The following SPATA16 variants were observed in gnomAD, a reference collection of about 807,000 sequenced individuals.
SPATA16 encodes the protein spermatogenesis-associated protein 16.
In SPATA16, 36 loss-of-function variants were observed where a neutral mutation model predicts 63.3. That is an observed-to-expected ratio of 0.57 (90% confidence interval 0.44 to 0.75). The LOEUF (loss-of-function observed/expected upper bound fraction) is 0.75, where lower values mean the gene tolerates loss of function less well. Ranked by LOEUF, SPATA16 falls within the 30% of genes least tolerant of loss-of-function variation. The pLI is 0.00. For missense variants in SPATA16, 646 were observed against 679.3 expected, an observed-to-expected ratio of 0.95 and a Z score of 0.54; for synonymous variants, 203 against 216.7, an observed-to-expected ratio of 0.94 and a Z score of 0.56.
At chr3:172,902,919 A>T (rs1443389068) in intron 10 of SPATA16, among the ~76,000 whole-genome samples, 3 of 152,216 alleles carry the variant, frequency 2.0e-5, no homozygotes, top group Admixed American at 6.5e-5. Flanking sequence ...TTAGAGCTGC[A>T]TGTAAAGGCA....
chr3:172,957,619 A>C (rs1733632311), intron 5 of SPATA16, among the ~76,000 whole-genome samples: 1 of 152,194 alleles, frequency 6.6e-6, no homozygotes, highest in Non-Finnish European at 1.5e-5. Flanking sequence ...TGGTTACCTC[A>C]GTTTTTTAAT....
chr3:172,942,559 A>G (rs998738763), intron 6 of SPATA16, among the ~76,000 whole-genome samples: 2 of 152,296 alleles, frequency 1.3e-5, no homozygotes, highest in African/African-American at 4.8e-5. Context: ...CTGACAAATT[A>G]TAAGAATAAT....
chr3:172,895,187 A>G (rs548114694), intron 10 of SPATA16, among the ~76,000 whole-genome samples: 1 of 152,326 alleles, frequency 6.6e-6, no homozygotes, highest in South Asian at 2.1e-4. Context: ...TACAGCCAGG[A>G]TACTGACATT....
chr3:172,889,492 G>A lies in SPATA16; in HGVS notation c.*78C>T. ...CAAGCTTTTGTTATCCAGCTTCACA[G>A]TACTAGGTGGGCATTGGAGTGGATG... On this transcript the variant is annotated 3_prime_UTR_variant, in exon 11 of 11. Coordinates refer to ENST00000351008, the MANE Select transcript of SPATA16 (RefSeq NM_031955.6). 1 of 1,598,718 alleles carries A rather than the reference G, an allele frequency of 6.3e-7. No individual in the cohort carries two copies. The highest frequency in any genetic ancestry group is 1.7e-5 in the Admixed American group (1 of 59,988).
chr3:173,012,235 G>A (rs1325175859), intron 4 of SPATA16, among the ~76,000 whole-genome samples: 1 of 152,120 alleles, frequency 6.6e-6, no homozygotes, highest in Non-Finnish European at 1.5e-5. Flanking sequence ...TAACTAAGGA[G>A]ATGAAAGGAG....
chr3:173,112,710 C>T (rs562048036), intron 2 of SPATA16, among the ~76,000 whole-genome samples: 1 of 152,344 alleles, frequency 6.6e-6, no homozygotes, highest in South Asian at 2.1e-4. Flanking sequence ...ACACCAGCGA[C>T]TGGAGCGCCA....
intron 8 of SPATA16, among the ~76,000 whole-genome samples, chr3:172,921,857 T>TAAGTAA (rs1732621925): frequency 6.6e-6 from 1 of 152,224 alleles, no homozygotes; most frequent in Non-Finnish European, 1.5e-5. Context: ...TTAAGTGACT[T>TAAGTAA]GCCCTAGGGT....
intron 5 of SPATA16, among the ~76,000 whole-genome samples, chr3:172,976,252 G>A (rs1450239059): frequency 6.6e-6 from 1 of 152,088 alleles, no homozygotes; most frequent in Non-Finnish European, 1.5e-5. Context: ...GAGGAAAACA[G>A]TTTAATAGTT....
chr3:173,093,284 T>G (rs148667572), intron 2 of SPATA16, among the ~76,000 whole-genome samples: 93 of 152,284 alleles, frequency 6.1e-4, no homozygotes, highest in African/African-American at 2.0e-3. Context: ...TGTTGACTCT[T>G]ATTTTAAAAA....
In SPATA16 at chr3:173,028,066, CCTTCCTTCCTTT is replaced by C. The variant is rs1192878690; in HGVS notation, c.759-8503_759-8492del. 3.4e-3 allele frequency among the ~76,000 whole-genome samples: 334 copies of C among 99,120 alleles called. 14 individuals carry two copies. Among genetic ancestry groups the C allele is most frequent in the East Asian group, 0.01 (33 of 3,282 alleles). The allele number at this position is 99,120 out of a possible 152,430, so 65.0% of individuals were successfully genotyped here. A position where few individuals can be genotyped will look rare whatever the true frequency, so the allele number is the denominator to read the frequency against. On this transcript the variant is annotated intron_variant, in intron 3 of 10. Transcript: ENST00000351008. ...TCCTTCCTTCCTTCCTTCCTTCCTT[CCTTCCTTCCTTT>C]CTCTCTCTCTCTTTCTTTCTTTCAA...
At chr3:173,001,788 A>T (rs1734834834) in intron 4 of SPATA16, among the ~76,000 whole-genome samples, 1 of 152,142 alleles carries the variant, frequency 6.6e-6, no homozygotes, top group African/African-American at 2.4e-5. Flanking sequence ...TAATCTAAAA[A>T]AATTAGGTTA....
chr3:173,074,069 A>G (rs1432178951), intron 2 of SPATA16, among the ~76,000 whole-genome samples: 1 of 152,172 alleles, frequency 6.6e-6, no homozygotes. Flanking sequence ...TGTTTTGGCC[A>G]ATTTCTTCCA....
rs745984261 is a variant in SPATA16, at chr3:172,889,620, G to A, written c.1660C>T (p.Arg554Ter). ...FLKTKKLRTA[R>*]RQKTKMKRLQ... ...CGCTTCATTTTTGTTTTTTGCCTTC[G>A]AGCAGTTCTCAGTTTTTTAGTTTTT... is the stretch of plus-strand genomic sequence containing the variant. Residue 554 changes from arginine (R) to a stop codon, truncating the protein, a stop_gained, in exon 11 of 11, where the codon CGA becomes TGA. Coordinates refer to ENST00000351008, the MANE Select transcript of SPATA16 (RefSeq NM_031955.6). LOFTEE classifies it high-confidence loss of function. The A allele has an allele frequency of 1.9e-6, 3 of 1,613,706 alleles. No homozygotes were observed. The highest frequency in any genetic ancestry group is 2.5e-6 in the Non-Finnish European group (3 of 1,179,844).
At chr3:173,056,704 T>TTAAAAAA (rs1736234311) in intron 2 of SPATA16, among the ~76,000 whole-genome samples, 1 of 56,458 alleles carries the variant, frequency 1.8e-5, no homozygotes, top group African/African-American at 1.2e-4. Context: ...GACTCTTGTT[T>TTAAAAAA]CAAAAAAAAA....
At chr3:173,048,029 A>G (rs982619129) in intron 3 of SPATA16, among the ~76,000 whole-genome samples, 1 of 152,112 alleles carries the variant, frequency 6.6e-6, no homozygotes, top group Non-Finnish European at 1.5e-5. Flanking sequence ...ATACTAATAA[A>G]TCTCCCATTT....
At chr3:173,031,332 AATATT>A (rs1313058632) in intron 3 of SPATA16, among the ~76,000 whole-genome samples, 1 of 152,044 alleles carries the variant, frequency 6.6e-6, no homozygotes, top group African/African-American at 2.4e-5. Context: ...TTAGTGCACA[AATATT>A]ATATCTTAAG....
rs761270060 is a variant in SPATA16 at position 172,916,309 on chromosome 3, A to C, written c.1503+8T>G. On this transcript the variant is annotated splice_region_variant and intron_variant, in intron 9 of 10. Coordinates refer to ENST00000351008, the MANE Select transcript of SPATA16 (RefSeq NM_031955.6). ...CTATGAAACCCTTAAACAAAGAAAAATACTTACCAATTCTGCCTCCTGTTG... is the reference window on the plus strand; with the variant it reads ...CTATGAAACCCTTAAACAAAGAAAACTACTTACCAATTCTGCCTCCTGTTG... 1 of 1,613,108 alleles carries C rather than the reference A, an allele frequency of 6.2e-7. No individual in the cohort carries two copies. Among genetic ancestry groups the C allele is most frequent in the Admixed American group, 1.7e-5 (1 of 59,986 alleles).
intron 2 of SPATA16, among the ~76,000 whole-genome samples, chr3:173,080,257 T>C (rs116722321): frequency 0.023 from 3,520 of 152,224 alleles, 65 homozygotes; most frequent in Non-Finnish European, 0.036. Flanking sequence ...GAAGTATCTT[T>C]CAGAAGGGAG....
At chr3:173,075,554 A>C (rs889180588) in intron 2 of SPATA16, among the ~76,000 whole-genome samples, 27 of 152,242 alleles carry the variant, frequency 1.8e-4, no homozygotes, top group Non-Finnish European at 3.4e-4. Context: ...ATGGATAAAG[A>C]AAATGTGGTA....
Sources: allele counts gnomAD v4.1 joint callset (sites outside exome capture counted in the v4.1 genomes callset), GRCh38; gene constraint gnomAD v4.1.1; transcripts MANE v1.5; gene names NCBI Gene and HGNC (gene_info 2026-07-23, HGNC 2026-07-21).